The following HVCN1 variants were observed in gnomAD, a reference collection of about 807,000 sequenced individuals.
HVCN1 encodes the protein hydrogen voltage gated channel 1, also known as voltage-gated hydrogen channel 1.
Under a neutral mutation model 29.2 loss-of-function variants are expected in HVCN1, and 14 were observed. That is an observed-to-expected ratio of 0.48 (90% confidence interval 0.32 to 0.75). The LOEUF (loss-of-function observed/expected upper bound fraction) is 0.75. Ranked by LOEUF, HVCN1 falls within the 30% of genes least tolerant of loss-of-function variation. The pLI is 0.04. For synonymous variants in HVCN1, 131 were observed against 133.2 expected (o/e 0.98, Z 0.11); for missense variants, 263 against 341.8 (o/e 0.77, Z 1.82).
chr12:110,683,648 A>G (rs577528607), intron 2 of HVCN1, among the ~76,000 whole-genome samples: 2 of 152,276 alleles, frequency 1.3e-5, no homozygotes, highest in Non-Finnish European at 2.9e-5. Context: ...GGTGGCTCAC[A>G]CTTGTAATCC....
At chr12:110,660,363 C>T (rs2068128134) in intron 4 of HVCN1, among the ~76,000 whole-genome samples, 1 of 152,222 alleles carries the variant, frequency 6.6e-6, no homozygotes, top group Non-Finnish European at 1.5e-5. Context: ...TTTCTCCCTG[C>T]AACCACACCT....
rs2068150798 is a variant in HVCN1 at position 110,661,051 on chromosome 12, A to G, written c.306+113T>C. ...GGCACGTGGTAGGTGCTGGGCAAAC[A>G]CTCGTAGAATGAATGAGGCAGTGGC... is the stretch of plus-strand genomic sequence containing the variant. On this transcript the variant is annotated intron_variant, in intron 4 of 7. Transcript: ENST00000242607. This position sits in a 1 kb window ranked among gnomAD's most constrained non-coding sequence, Gnocchi z 6.2. 1.2e-5 allele frequency: 12 copies of G among 1,019,354 alleles called. No individual in the cohort carries two copies. Among genetic ancestry groups the G allele is most frequent in the African/African-American group, 1.6e-5 (1 of 62,194 alleles). 63.1% of individuals were successfully genotyped at this position (1,019,354 alleles called of 1,614,324 possible).
At chr12:110,653,859 G>A (rs2067898549) in intron 5 of HVCN1, among the ~76,000 whole-genome samples, 1 of 152,048 alleles carries the variant, frequency 6.6e-6, no homozygotes. Context: ...GAGACATTTG[G>A]GATGAGTGAA....
At position 110,663,772 on chromosome 12, in the gene HVCN1, C is replaced by T. The variant is rs972361779; in HGVS notation, c.22-2324G>A. ...TGTACCCACTCGGCAGCACTGAATA[C>T]AGTAGAACAATCACTTCTTTCTTCA... is the stretch of plus-strand genomic sequence containing the variant. On this transcript the variant is annotated intron_variant, in intron 3 of 7. Transcript: ENST00000242607. Among the ~76,000 whole-genome samples, 3 of 152,072 alleles carry T rather than the reference C, an allele frequency of 2.0e-5. No individual in the cohort carries two copies. The South Asian group carries it at 6.2e-4, about 32-fold the overall frequency.
At position 110,667,096 on chromosome 12, in the gene HVCN1, C is replaced by T. The variant is rs532867911; in HGVS notation, c.22-5648G>A. Among the ~76,000 whole-genome samples, 8 of 152,212 alleles carry T rather than the reference C, an allele frequency of 5.3e-5. No homozygotes were observed. In the South Asian group the frequency reaches 8.3e-4, roughly 16 times the overall value. On this transcript the variant is annotated intron_variant, in intron 3 of 7. Coordinates refer to ENST00000242607, the MANE Select transcript of HVCN1 (RefSeq NM_032369.4). ...GACTCCCAGGGCTGGCCAGGGCCAG[C>T]GCCAGGGTATACTGAAGCTCTCCAG...
At chr12:110,667,602 T>C (rs1222403996) in intron 3 of HVCN1, among the ~76,000 whole-genome samples, 2 of 152,116 alleles carry the variant, frequency 1.3e-5, no homozygotes, top group Admixed American at 1.3e-4. Context: ...GCTAATTTTT[T>C]GTATTTTTTT....
chr12:110,677,805 A>T (rs952781719), intron 3 of HVCN1, among the ~76,000 whole-genome samples: 3 of 151,934 alleles, frequency 2.0e-5, no homozygotes, highest in Non-Finnish European at 4.4e-5. Flanking sequence ...CAGCTCTGGC[A>T]GGAGGAGCTG....
At chr12:110,683,351 A>G in intron 2 of HVCN1, 87 bp from the exon 3 acceptor site, 1 of 1,465,346 alleles carries the variant, frequency 6.8e-7, no homozygotes, top group Admixed American at 2.4e-5. Flanking sequence ...CTTACAAATT[A>G]GTTTTAAGTT....
Position 110,687,284 on chromosome 12 carries a change from AAGCC to A in HVCN1, c.-20+1337_-20+1340del, listed in dbSNP as rs568732807. Among the ~76,000 whole-genome samples the A allele has an allele frequency of 3.0e-4, 45 of 148,798 alleles. No individual in the cohort carries two copies. The South Asian group carries it at 9.3e-3, about 31-fold the overall frequency. On this transcript the variant is annotated intron_variant, in intron 2 of 7. Coordinates refer to ENST00000242607, the MANE Select transcript of HVCN1 (RefSeq NM_032369.4). ...CCCCCCCCCCCAGCTAAGCACTGGGAAGCCAGCCAGCCAGAGTAAGGGGCCAGGG... is the reference window on the plus strand; with the variant it reads ...CCCCCCCCCCCAGCTAAGCACTGGGAAGCCAGCCAGAGTAAGGGGCCAGGG...
At chr12:110,699,241 C>T (rs370385474) in intron 2 of HVCN1, among the ~76,000 whole-genome samples, 5 of 152,186 alleles carry the variant, frequency 3.3e-5, no homozygotes, top group African/African-American at 7.2e-5. Flanking sequence ...GGGCACATTT[C>T]GTGTTCTCGG....
At chr12:110,666,830 A>T (rs1284577331) in intron 3 of HVCN1, among the ~76,000 whole-genome samples, 1 of 152,148 alleles carries the variant, frequency 6.6e-6, no homozygotes, top group East Asian at 1.9e-4. Context: ...TCCCATTTAT[A>T]ACCTCTCCTC....
chr12:110,660,862 C>T (rs1424035597), intron 4 of HVCN1, among the ~76,000 whole-genome samples: 1 of 152,202 alleles, frequency 6.6e-6, no homozygotes, highest in African/African-American at 2.4e-5. Context: ...CATGGATCAG[C>T]ACTTCTTTGC....
Position 110,648,879 on chromosome 12 carries a change from A to G in HVCN1, c.*531T>C, listed in dbSNP as rs2067622302. On this transcript the variant is annotated 3_prime_UTR_variant, in exon 8 of 8. Transcript: ENST00000242607. ...AAATGTTGTCAGGTGGCAGAAAACA[A>G]TGGAGCCACCTAGAAGCTGGCTGAT... 2.6e-6 allele frequency: 1 copy of G among 386,962 alleles called. No individual in the cohort carries two copies. The highest frequency in any genetic ancestry group is 5.0e-6 in the Non-Finnish European group (1 of 201,880). The allele number at this position is 386,962 out of a possible 1,614,324, so 24.0% of individuals were successfully genotyped here.
Position 110,661,559 on chromosome 12 carries a change from A to C in HVCN1, c.22-111T>G. The C allele has an allele frequency of 4.2e-6, 4 of 944,016 alleles. No homozygotes were observed. Among genetic ancestry groups the C allele is most frequent in the Non-Finnish European group, 6.2e-6 (4 of 640,230 alleles). The allele number at this position is 944,016 out of a possible 1,614,324, so 58.5% of individuals were successfully genotyped here. A position where few individuals can be genotyped will look rare whatever the true frequency, so the allele number is the denominator to read the frequency against. On this transcript the variant is annotated intron_variant, in intron 3 of 7. Transcript: ENST00000242607. This position sits in a 1 kb window ranked among gnomAD's most constrained non-coding sequence, Gnocchi z 6.2. ...GTGAAGATGGTCCCGGGTGCGTAGA[A>C]CCCCCTGCAAGCAGAGACCATGAGG...
chr12:110,650,045 A>AT (rs2067726334), intron 7 of HVCN1, 123 bp downstream of exon 7: 4 of 623,984 alleles, frequency 6.4e-6, no homozygotes, highest in Non-Finnish European at 1.2e-5. Context: ...GGGTTTCTCC[A>AT]TGTTGGTCAG....
chr12:110,684,634 G>A (rs2069113656), intron 2 of HVCN1, among the ~76,000 whole-genome samples: 1 of 152,162 alleles, frequency 6.6e-6, no homozygotes. Context: ...CTTCGCAGTG[G>A]TTATCTTTGG....
At chr12:110,649,863 G>A (rs191469287) in intron 7 of HVCN1, among the ~76,000 whole-genome samples, 35 of 151,160 alleles carry the variant, frequency 2.3e-4, no homozygotes, top group Middle Eastern at 3.4e-3. Context: ...TTTTTTTTTT[G>A]AGACAGAGTT....
intron 6 of HVCN1, 89 bp from the exon 7 acceptor site, chr12:110,650,369 T>C (rs2067746620): frequency 2.6e-6 from 2 of 767,086 alleles, no homozygotes; most frequent in African/African-American, 1.7e-5. Context: ...GTATAGAGTT[T>C]GGAGGAGTGG....
In HVCN1 at chr12:110,649,220, G is replaced by C; in HGVS notation, c.*190C>G. 1.5e-6 allele frequency: 1 copy of C among 673,726 alleles called. No homozygotes were observed. Among genetic ancestry groups the C allele is most frequent in the East Asian group, 2.7e-5 (1 of 36,994 alleles). 41.7% of individuals were successfully genotyped at this position (673,726 alleles called of 1,614,324 possible). ...ATTTGATACAGTGTGGGGTGGGAGT[G>C]GATGGGCAGCTCTTGGTGGTACTGG... On this transcript the variant is annotated 3_prime_UTR_variant, in exon 8 of 8. Coordinates refer to ENST00000242607, the MANE Select transcript of HVCN1 (RefSeq NM_032369.4).
Sources: gnomAD v4.1 joint callset for allele counts (sites outside exome capture counted in the v4.1 genomes callset) on GRCh38, gnomAD v4.1.1 for gene constraint, Gnocchi (gnomAD v3.1) non-coding constraint, MANE v1.5 for transcripts, NCBI Gene and HGNC (gene_info 2026-07-23, HGNC 2026-07-21) for gene names.